Variants in NEDD4 observed in about 807,000 individuals in gnomAD.
The protein encoded by NEDD4 is E3 ubiquitin-protein ligase NEDD4.
In NEDD4, 99 loss-of-function variants were observed where a neutral mutation model predicts 144.9. The ratio of observed to expected loss-of-function variants is 0.68; its 90% CI spans 0.58 to 0.81. The LOEUF (loss-of-function observed/expected upper bound fraction) is 0.81. Among genes scored for constraint, NEDD4 ranks in the 30% least tolerant of loss-of-function variants. The pLI, the probability that NEDD4 is intolerant of heterozygous loss-of-function variation, is 0.00. For missense variants in NEDD4, 985 were observed against 1,065.9 expected, an observed-to-expected ratio of 0.92 and a Z score of 1.06; for synonymous variants, 318 against 350.6, an observed-to-expected ratio of 0.91 and a Z score of 1.04.
intron 7 of NEDD4, among the ~76,000 whole-genome samples, chr15:55,871,238 A>T (rs2034784914): frequency 6.6e-6 from 1 of 152,194 alleles, no homozygotes; most frequent in African/African-American, 2.4e-5. Context: ...TGCTCAGACA[A>T]TGTTTTGTTG....
intron 8 of NEDD4, among the ~76,000 whole-genome samples, chr15:55,865,101 G>A (rs1295627058): frequency 4.6e-5 from 7 of 151,740 alleles, no homozygotes; most frequent in African/African-American, 1.7e-4. Context: ...GAGAGGCTGG[G>A]GCAGGAGAAT....
intron 5 of NEDD4, among the ~76,000 whole-genome samples, chr15:55,914,261 G>C (rs72732302): frequency 0.12 from 18,187 of 151,194 alleles, 1,314 homozygotes; most frequent in East Asian, 0.35. Context: ...ACAGATTAAG[G>C]TTTTTTCCCC....
At chr15:55,883,289 A>G (rs2035260958) in intron 5 of NEDD4, among the ~76,000 whole-genome samples, 1 of 152,112 alleles carries the variant, frequency 6.6e-6, no homozygotes, top group African/African-American at 2.4e-5. Context: ...GGCCACGGAG[A>G]GACTCTGCCT....
chr15:55,864,904 TA>T (rs1471317823), intron 8 of NEDD4, among the ~76,000 whole-genome samples: 4 of 151,904 alleles, frequency 2.6e-5, no homozygotes, highest in Non-Finnish European at 5.9e-5. Flanking sequence ...AACTCAACTT[TA>T]TAGGAATTCC....
intron 2 of NEDD4, 124 bp downstream of exon 2, chr15:55,966,349 A>G: frequency 5.0e-6 from 3 of 594,290 alleles, no homozygotes; most frequent in South Asian, 2.4e-5. Flanking sequence ...AACTGGTAAT[A>G]TTATTATTAT....
At chr15:55,969,580 A>G (rs958318138) in intron 1 of NEDD4, among the ~76,000 whole-genome samples, 5 of 152,088 alleles carry the variant, frequency 3.3e-5, no homozygotes, top group Non-Finnish European at 2.9e-5. Flanking sequence ...CACACCCACA[A>G]TAAAATAAAG....
At chr15:55,951,631 T>C (rs1168457460) in intron 2 of NEDD4, 42 bp from the exon 3 acceptor site, 8 of 1,391,938 alleles carry the variant, frequency 5.7e-6, no homozygotes, top group South Asian at 1.6e-5. Context: ...ATTTTAATTA[T>C]TGCTTACCCC....
chr15:55,908,211 G>C (rs1478966809), intron 5 of NEDD4, among the ~76,000 whole-genome samples: 2 of 152,154 alleles, frequency 1.3e-5, no homozygotes, highest in African/African-American at 4.8e-5. Context: ...TCTATTAAGT[G>C]TCTATTTTGA....
chr15:55,943,010 A>G (rs2037036084), intron 4 of NEDD4, among the ~76,000 whole-genome samples: 1 of 152,238 alleles, frequency 6.6e-6, no homozygotes, highest in Admixed American at 6.5e-5. Flanking sequence ...GACTGGCAGC[A>G]TTGTGCCCCT....
chr15:55,878,403 T>C (rs1442516721), intron 5 of NEDD4, among the ~76,000 whole-genome samples: 1 of 152,184 alleles, frequency 6.6e-6, no homozygotes, highest in East Asian at 1.9e-4. Context: ...AAATGGTAAA[T>C]ATTATATGAA....
intron 13 of NEDD4, among the ~76,000 whole-genome samples, chr15:55,851,625 C>T (rs1275407659): frequency 2.6e-5 from 4 of 151,938 alleles, no homozygotes; most frequent in African/African-American, 7.2e-5. Flanking sequence ...TACAGGCATG[C>T]GCCACCACGC....
intron 2 of NEDD4, among the ~76,000 whole-genome samples, chr15:55,966,187 T>C (rs2037509881): frequency 6.6e-6 from 1 of 152,218 alleles, no homozygotes; most frequent in South Asian, 2.1e-4. Context: ...GAGTTTATGG[T>C]TGTTATCTGC....
intron 7 of NEDD4, 56 bp downstream of exon 7, chr15:55,872,358 AG>A: frequency 1.5e-6 from 1 of 680,434 alleles, no homozygotes; most frequent in Non-Finnish European, 2.3e-6. Flanking sequence ...GGCTACTGTA[AG>A]GTGTAATGAA....
chr15:55,966,025 G>C (rs2037506492), intron 2 of NEDD4, among the ~76,000 whole-genome samples: 1 of 152,088 alleles, frequency 6.6e-6, no homozygotes, highest in Non-Finnish European at 1.5e-5. Flanking sequence ...AATTTTTCCA[G>C]GTTCTGATTC....
At chr15:55,838,256 G>C (rs1180250263) in intron 22 of NEDD4, 76 bp from the exon 23 acceptor site, 3 of 1,016,726 alleles carry the variant, frequency 3.0e-6, no homozygotes, top group Non-Finnish European at 4.3e-6. Context: ...GTAGTTATAC[G>C]AGAAACTTGG....
chr15:55,831,252 T>C (rs568469263), intron 27 of NEDD4, among the ~76,000 whole-genome samples: 19 of 152,336 alleles, frequency 1.2e-4, no homozygotes, highest in Non-Finnish European at 2.2e-4. Context: ...CTATCTAATA[T>C]TGTAATTTTA....
At chr15:55,959,770 C>G (rs1177042422) in intron 2 of NEDD4, among the ~76,000 whole-genome samples, 1 of 152,132 alleles carries the variant, frequency 6.6e-6, no homozygotes, top group Non-Finnish European at 1.5e-5. Flanking sequence ...GAAATGGAAA[C>G]GCTCAGACTG....
At position 55,864,824 on chromosome 15, in the gene NEDD4, G is replaced by C. The variant is rs185121617; in HGVS notation, c.508-1745C>G. Among the ~76,000 whole-genome samples, 9 of 152,194 alleles carry C rather than the reference G, an allele frequency of 5.9e-5. No homozygotes were observed. The East Asian group carries it at 1.7e-3, about 29-fold the overall frequency. On this transcript the variant is annotated intron_variant, in intron 8 of 28. Coordinates refer to ENST00000435532, the MANE Select transcript of NEDD4 (RefSeq NM_006154.4). ...TACCAGATAAAAACACATTATAAAT[G>C]ACAACAATTAAAGCTGTGTGGTTCT...
At chr15:55,935,907 C>A (rs1390809207) in intron 4 of NEDD4, among the ~76,000 whole-genome samples, 1 of 149,124 alleles carries the variant, frequency 6.7e-6, no homozygotes, top group Admixed American at 6.7e-5. Context: ...CTCTGGACAT[C>A]ATCATGTCTT....
Sources: allele counts gnomAD v4.1 joint callset (sites outside exome capture counted in the v4.1 genomes callset), GRCh38; gene constraint gnomAD v4.1.1; transcripts MANE v1.5; gene names NCBI Gene and HGNC (gene_info 2026-07-23, HGNC 2026-07-21).